SHOX: variants seen among roughly 807,000 people sequenced by gnomAD.
SHOX encodes the protein short stature homeobox protein.
A neutral mutation model predicts 29.6 loss-of-function variants in SHOX; 12 were observed. The ratio of observed to expected loss-of-function variants is 0.41; its 90% CI spans 0.26 to 0.66. The LOEUF is 0.66. Ranked by LOEUF, SHOX falls within the 30% of genes least tolerant of loss-of-function variation. The probability of loss-of-function intolerance (pLI) is 0.35; values close to 1 mark genes in which losing one functional copy is unlikely to be tolerated. For synonymous variants in SHOX, 214 were observed against 200.6 expected (o/e 1.07, Z -0.57); for missense variants, 499 against 437.7 (o/e 1.14, Z -1.25).
At position 644,897 on chromosome X, in the gene SHOX, C is replaced by G. The variant is rs1238430718; in HGVS notation, c.*261C>G. ...CAGCCCGGGCCTCTCCAAGGCTGCC[C>G]GTGCGTCCTGGGACCCTGGAGAAGG... On this transcript the variant is annotated 3_prime_UTR_variant, in exon 5 of 5. Transcript: ENST00000686671. 5 of 464,870 alleles carry G rather than the reference C, an allele frequency of 1.1e-5. No individual in the cohort carries two copies. The highest frequency in any genetic ancestry group is 8.3e-5 in the African/African-American group (4 of 48,300). 28.8% of individuals were successfully genotyped at this position (464,870 alleles called of 1,614,324 possible).
At chrX:631,530 T>TTTG (rs1556458423) in intron 1 of SHOX, among the ~76,000 whole-genome samples, 41 of 150,990 alleles carry the variant, frequency 2.7e-4, no homozygotes, top group East Asian at 6.0e-4. Flanking sequence ...CCTTTCCTTT[T>TTTG]TTTGTTTGTT....
At chrX:634,932 C>G (rs2052718287) in intron 2 of SHOX, 106 bp downstream of exon 2, 1 of 1,248,716 alleles carries the variant, frequency 8.0e-7, no homozygotes, top group Non-Finnish European at 1.1e-6. Context: ...CCGTCCCCTT[C>G]CCGGAGCGCG....
At position 650,882 on chromosome X, in the gene SHOX, C is replaced by T. The variant is rs146270679; in HGVS notation, c.*6246C>T. On this transcript the variant is annotated 3_prime_UTR_variant, in exon 5 of 5. Coordinates refer to ENST00000686671, the MANE Select transcript of SHOX (RefSeq NM_000451.4). ...GTATATGCTGATATTCTTCGACACA[C>T]GTGGGTAAGTTGATGCCATTTATAA... Among the ~76,000 whole-genome samples the T allele has an allele frequency of 1.5e-3, 229 of 147,974 alleles. No homozygotes were observed. Among genetic ancestry groups the T allele is most frequent in the Non-Finnish European group, 2.7e-3 (185 of 67,532 alleles).
intron 2 of SHOX, among the ~76,000 whole-genome samples, chrX:636,964 A>T (rs895130038): frequency 8.6e-5 from 12 of 139,650 alleles, no homozygotes; most frequent in Non-Finnish European, 1.4e-4. Context: ...ATATATATAT[A>T]TATATATTTT....
At position 650,199 on chromosome X, in the gene SHOX, G is replaced by C. The variant is rs1375489281; in HGVS notation, c.*5563G>C. ...ATTCTGTGCCTCTGTACGATTTAGA[G>C]CGTAACTGACCGCGTCCAACACCCG... On this transcript the variant is annotated 3_prime_UTR_variant, in exon 5 of 5. Coordinates refer to ENST00000686671, the MANE Select transcript of SHOX (RefSeq NM_000451.4). Among the ~76,000 whole-genome samples the C allele has an allele frequency of 6.6e-6, 1 of 152,214 alleles. No individual in the cohort carries two copies. Among genetic ancestry groups the C allele is most frequent in the African/African-American group, 2.4e-5 (1 of 41,464 alleles).
chrX:639,522 A>G (rs2052812821), intron 2 of SHOX, among the ~76,000 whole-genome samples: 1 of 152,230 alleles, frequency 6.6e-6, no homozygotes, highest in Non-Finnish European at 1.5e-5. Flanking sequence ...GTTTGTGGCT[A>G]AAGTCTGAAG....
downstream of SHOX, among the ~76,000 whole-genome samples, chrX:651,993 G>A (rs184016659): frequency 5.3e-4 from 80 of 152,160 alleles, no homozygotes; most frequent in East Asian, 0.014. Flanking sequence ...CGCGATCTCG[G>A]CTCACCGCGA....
At chrX:631,350 G>C (rs961825577) in intron 1 of SHOX, 176 bp downstream of exon 1, 1 of 346,624 alleles carries the variant, frequency 2.9e-6, no homozygotes, top group Non-Finnish European at 4.1e-6. Context: ...GAGTGGACCC[G>C]ACCGGAGACG....
chrX:626,522 C>G (rs1453823581), upstream of SHOX, among the ~76,000 whole-genome samples: 1 of 75,248 alleles, frequency 1.3e-5, no homozygotes, highest in African/African-American at 5.9e-5. Context: ...TTCTCTGTCT[C>G]TCTCTGTGTC....
At chrX:652,013 C>T (rs2053073405), downstream of SHOX, among the ~76,000 whole-genome samples, 1 of 152,050 alleles carries the variant, frequency 6.6e-6, no homozygotes, top group African/African-American at 2.4e-5. Flanking sequence ...ACCTCCGCCT[C>T]CCGGGTTCAA....
chrX:625,087 C>T (rs1238818241), intron 1 of SHOX, among the ~76,000 whole-genome samples: 3 of 142,368 alleles, frequency 2.1e-5, no homozygotes, highest in African/African-American at 7.9e-5. Flanking sequence ...CTCTCCCTCC[C>T]TCCCTCCTTC....
intron 1 of SHOX, among the ~76,000 whole-genome samples, chrX:634,326 T>TAA (rs112941832): frequency 2.5e-4 from 37 of 148,088 alleles, no homozygotes; most frequent in East Asian, 5.9e-4. Context: ...CCACTCTCCT[T>TAA]AAAAAAAAAA....
At position 647,191 on chromosome X, in the gene SHOX, C is replaced by T. The variant is rs2052981119; in HGVS notation, c.*2555C>T. ...TCCCGGGTTCAAGCCATTCTCCTGC[C>T]TCAGCCTCCCGAGTAGCTGGGATTA... On this transcript the variant is annotated 3_prime_UTR_variant, in exon 5 of 5. Transcript: ENST00000686671. Among the ~76,000 whole-genome samples the T allele has an allele frequency of 3.3e-5, 5 of 152,186 alleles. No homozygotes were observed. Among genetic ancestry groups the T allele is most frequent in the Admixed American group, 3.3e-4 (5 of 15,278 alleles).
intron 4 of SHOX, among the ~76,000 whole-genome samples, chrX:644,037 C>T (rs1364621406): frequency 1.3e-5 from 2 of 149,962 alleles, no homozygotes; most frequent in South Asian, 2.1e-4. Context: ...GGAGAGGTTA[C>T]GGGGGCTGGT....
intron 1 of SHOX, among the ~76,000 whole-genome samples, chrX:624,838 C>CCTCT (rs2052478904): frequency 7.0e-6 from 1 of 143,872 alleles, no homozygotes; most frequent in Non-Finnish European, 1.5e-5. Context: ...TTCCTTCCTT[C>CCTCT]CTTCCTCTCT....
chrX:644,341 C>A, intron 4 of SHOX, 50 bp from the exon 5 acceptor site: 3 of 1,482,118 alleles, frequency 2.0e-6, no homozygotes, highest in South Asian at 1.3e-5. Context: ...GCGGAGCAGG[C>A]CCCCCAGTCC....
chrX:643,997 C>T (rs184361288), intron 4 of SHOX, among the ~76,000 whole-genome samples: 1 of 58,932 alleles, frequency 1.7e-5, no homozygotes, highest in Non-Finnish European at 3.9e-5. Context: ...CCTGGGGACC[C>T]GGGAGAGGCT....
At chrX:634,523 A>G in intron 1 of SHOX, 95 bp from the exon 2 acceptor site, 1 of 1,351,098 alleles carries the variant, frequency 7.4e-7, no homozygotes, top group Non-Finnish European at 1.0e-6. Context: ...TTGGTTTTCG[A>G]GGGCCCCCTT....
intron 4 of SHOX, among the ~76,000 whole-genome samples, chrX:641,904 C>T (rs1365709982): frequency 2.0e-5 from 3 of 152,140 alleles, no homozygotes; most frequent in Non-Finnish European, 2.9e-5. Context: ...TCACCACCCC[C>T]GAGTGCCCGA....
Sources: gnomAD v4.1 joint callset for allele counts (sites outside exome capture counted in the v4.1 genomes callset) on GRCh38, gnomAD v4.1.1 for gene constraint, MANE v1.5 for transcripts, NCBI Gene and HGNC (gene_info 2026-07-23, HGNC 2026-07-21) for gene names.